CACNA2D3: variants seen among roughly 807,000 people sequenced by gnomAD.
CACNA2D3 encodes voltage-dependent calcium channel subunit alpha-2/delta-3.
A neutral mutation model predicts 160.6 loss-of-function variants in CACNA2D3; 60 were observed. The observed-to-expected ratio is 0.37, with a 90% CI of 0.30 to 0.46. The LOEUF (loss-of-function observed/expected upper bound fraction) is 0.46. Ranked by LOEUF, CACNA2D3 falls within the 20% of genes least tolerant of loss-of-function variation. The pLI, the probability that CACNA2D3 is intolerant of heterozygous loss-of-function variation, is 1.00. For missense variants in CACNA2D3, 1,205 were observed against 1,365.0 expected, an observed-to-expected ratio of 0.88 and a Z score of 1.85; for synonymous variants, 558 against 492.9, an observed-to-expected ratio of 1.13 and a Z score of -1.75.
intron 10 of CACNA2D3, among the ~76,000 whole-genome samples, chr3:54,640,660 A>G (rs1369557661): frequency 1.3e-5 from 2 of 152,204 alleles, no homozygotes; most frequent in Non-Finnish European, 2.9e-5. Context: ...ATAAACTAAT[A>G]TGTAAGTTTA....
chr3:54,885,948 ATT>A (rs1699914484), intron 23 of CACNA2D3, among the ~76,000 whole-genome samples: 1 of 152,184 alleles, frequency 6.6e-6, no homozygotes, highest in African/African-American at 2.4e-5. Context: ...ATTGTGCCTC[ATT>A]CAAGGCTATA....
At chr3:54,856,208 A>G (rs1168697) in intron 17 of CACNA2D3, among the ~76,000 whole-genome samples, 99,961 of 152,012 alleles carry the variant, frequency 0.66, 33,408 homozygotes, top group Non-Finnish European at 0.71. Context: ...TCGAGCACAC[A>G]ATGAAACAAT....
intron 11 of CACNA2D3, among the ~76,000 whole-genome samples, chr3:54,661,212 C>T (rs1699963966): frequency 1.3e-5 from 2 of 152,194 alleles, no homozygotes; most frequent in Admixed American, 1.3e-4. Flanking sequence ...GGACAAGTGT[C>T]TAGAGCCTTC....
chr3:54,780,092 T>C (rs1252907698), intron 13 of CACNA2D3, among the ~76,000 whole-genome samples: 5 of 152,198 alleles, frequency 3.3e-5, no homozygotes, highest in African/African-American at 1.2e-4. Flanking sequence ...AACGGTACAA[T>C]GAGACCCCAA....
chr3:54,981,546 G>A (rs1480302598), intron 29 of CACNA2D3, among the ~76,000 whole-genome samples: 1 of 152,058 alleles, frequency 6.6e-6, no homozygotes, highest in Non-Finnish European at 1.5e-5. Flanking sequence ...GAGAAAGGGG[G>A]GCTGGGGAGA....
At chr3:54,633,732 C>G (rs1007590599) in intron 10 of CACNA2D3, 1 of 152,228 alleles carries the variant, frequency 6.6e-6, no homozygotes, top group East Asian at 1.9e-4. Flanking sequence ...TAGTACCTAC[C>G]TCAGAGGCCT....
At chr3:54,731,488 G>C (rs1701385292) in intron 11 of CACNA2D3, among the ~76,000 whole-genome samples, 1 of 152,142 alleles carries the variant, frequency 6.6e-6, no homozygotes, top group African/African-American at 2.4e-5. Flanking sequence ...ATGTAAGCAT[G>C]CTTTTCCAGG....
chr3:54,333,407 T>C lies in CACNA2D3; in HGVS notation c.321+12849T>C, dbSNP rs1481184811. Among the ~76,000 whole-genome samples the C allele has an allele frequency of 4.6e-5, 7 of 151,990 alleles. No individual in the cohort carries two copies. In the East Asian group the frequency reaches 1.4e-3, roughly 29 times the overall value. ...CATTGGCCGCCTCCCTTTCCCTTTG[T>C]GTCTAGGGAAAAGCTGCCATGTTCC... On this transcript the variant is annotated intron_variant, in intron 3 of 37. Coordinates refer to ENST00000474759, the MANE Select transcript of CACNA2D3 (RefSeq NM_018398.3).
chr3:54,303,818 G>GTTTTTTTTT lies in CACNA2D3; in HGVS notation c.205-16612_205-16604dup, dbSNP rs71617795. 1.7e-3 allele frequency among the ~76,000 whole-genome samples: 194 copies of GTTTTTTTTT among 114,992 alleles called. 5 individuals carry two copies. Among genetic ancestry groups the GTTTTTTTTT allele is most frequent in the African/African-American group, 6.0e-3 (177 of 29,532 alleles). The allele number at this position is 114,992 out of a possible 152,430, so 75.4% of individuals were successfully genotyped here. ...CAGCCTCATCAGTGACTTTTTTTCT[G>GTTTTTTTTT]TTTTTTTTTTTTTTTTTTTTCTATT... On this transcript the variant is annotated intron_variant, in intron 2 of 37. Transcript: ENST00000474759.
intron 9 of CACNA2D3, among the ~76,000 whole-genome samples, chr3:54,617,383 C>A (rs1278887532): frequency 6.6e-6 from 1 of 152,090 alleles, no homozygotes; most frequent in African/African-American, 2.4e-5. Context: ...AGGACTTTCC[C>A]CATTTCTCCC....
At chr3:54,480,658 G>T (rs1006690704) in intron 4 of CACNA2D3, among the ~76,000 whole-genome samples, 1 of 152,106 alleles carries the variant, frequency 6.6e-6, no homozygotes, top group African/African-American at 2.4e-5. Context: ...GCCAACTTGG[G>T]CTGCCTTCCT....
At chr3:54,472,585 GA>G (rs1700753522) in intron 4 of CACNA2D3, among the ~76,000 whole-genome samples, 2 of 152,202 alleles carry the variant, frequency 1.3e-5, no homozygotes, top group South Asian at 4.1e-4. Context: ...AGGAAGAGAA[GA>G]AGTCAAATTG....
intron 29 of CACNA2D3, among the ~76,000 whole-genome samples, chr3:54,981,809 C>T (rs1488409554): frequency 6.6e-6 from 1 of 152,236 alleles, no homozygotes; most frequent in African/African-American, 2.4e-5. Flanking sequence ...CATACTTGCC[C>T]CCCCATTGGG....
chr3:54,499,339 T>C (rs1262421360), intron 4 of CACNA2D3, among the ~76,000 whole-genome samples: 3 of 152,202 alleles, frequency 2.0e-5, no homozygotes, highest in Non-Finnish European at 4.4e-5. Flanking sequence ...CTTTGTACTA[T>C]AATTTTAAAA....
intron 17 of CACNA2D3, among the ~76,000 whole-genome samples, chr3:54,867,137 C>G (rs1463347132): frequency 3.9e-5 from 6 of 152,146 alleles, no homozygotes; most frequent in Non-Finnish European, 5.9e-5. Flanking sequence ...CCCCGGTAAC[C>G]AACTCCTCAC....
At chr3:54,323,483 T>TTA (rs1167349766) in intron 3 of CACNA2D3, among the ~76,000 whole-genome samples, 5 of 150,568 alleles carry the variant, frequency 3.3e-5, no homozygotes, top group African/African-American at 1.2e-4. Context: ...TTTTTTTTTT[T>TTA]AAAGACAGAG....
At chr3:54,955,374 C>T (rs1046913747) in intron 27 of CACNA2D3, among the ~76,000 whole-genome samples, 1 of 152,094 alleles carries the variant, frequency 6.6e-6, no homozygotes, top group Admixed American at 6.5e-5. Flanking sequence ...GACTCCCACT[C>T]TCTTCTCTGG....
intron 3 of CACNA2D3, chr3:54,386,016 A>T (rs1699181410): frequency 2.0e-6 from 1 of 492,874 alleles, no homozygotes; most frequent in Non-Finnish European, 4.0e-6. Flanking sequence ...AATGATTTTG[A>T]TTGTTGACTA....
chr3:54,727,988 G>GTA (rs138305478), intron 11 of CACNA2D3, among the ~76,000 whole-genome samples: 8,523 of 152,156 alleles, frequency 0.056, 317 homozygotes, highest in South Asian at 0.11. Context: ...TTGCTTTTTA[G>GTA]TATGTTTTTT....
Sources: allele counts gnomAD v4.1 joint callset (sites outside exome capture counted in the v4.1 genomes callset), GRCh38; gene constraint gnomAD v4.1.1; transcripts MANE v1.5; gene names NCBI Gene and HGNC (gene_info 2026-07-23, HGNC 2026-07-21).